The following TAF1B variants were observed in gnomAD, a reference collection of about 807,000 sequenced individuals.
TAF1B encodes the protein TATA-box binding protein associated factor, RNA polymerase I subunit B.
Under a neutral mutation model 83.9 loss-of-function variants are expected in TAF1B, and 61 were observed. The observed-to-expected ratio is 0.73, with a 90% CI of 0.59 to 0.90. The LOEUF (loss-of-function observed/expected upper bound fraction) is 0.90, where lower values mean the gene tolerates loss of function less well. TAF1B is among the 40% of genes least tolerant of loss of function. The pLI is 0.00. For missense variants in TAF1B, 625 were observed against 677.0 expected (o/e 0.92, Z 0.85); for synonymous variants, 221 against 224.6 (o/e 0.98, Z 0.14).
intron 12 of TAF1B, among the ~76,000 whole-genome samples, chr2:9,915,616 AC>A (rs1665659359): frequency 6.6e-6 from 1 of 152,218 alleles, no homozygotes; most frequent in Admixed American, 6.5e-5. Flanking sequence ...TCAAAACAAA[AC>A]AAAAACAAAA....
In TAF1B at chr2:9,919,085, A is replaced by G. The variant is rs1163845932; in HGVS notation, c.1316A>G (p.Asp439Gly). Residue 439 changes from aspartate (D) to glycine (G), a missense_variant, in exon 13 of 15, where the codon GAC (aspartate) becomes GGC (glycine). Physicochemically the swap from Asp to Gly is moderately conservative, Grantham distance 94. Coordinates refer to ENST00000263663, the MANE Select transcript of TAF1B (RefSeq NM_005680.3). ...SEKPLYYSFV[D>G]KPVAYKKREM... ...AAGCCACTCTACTACTCATTTGTCGACAAACCAGTAGCATATAAAAAAAGA... is the reference window on the plus strand; with the variant it reads ...AAGCCACTCTACTACTCATTTGTCGGCAAACCAGTAGCATATAAAAAAAGA... 2 of 1,614,222 alleles carry G rather than the reference A, an allele frequency of 1.2e-6. No homozygotes were observed. The highest frequency in any genetic ancestry group is 1.7e-6 in the Non-Finnish European group (2 of 1,180,040).
At chr2:9,853,125 G>T (rs1043149042) in intron 4 of TAF1B, among the ~76,000 whole-genome samples, 2 of 152,184 alleles carry the variant, frequency 1.3e-5, no homozygotes, top group Non-Finnish European at 2.9e-5. Context: ...GTTTTATATA[G>T]TTACACTATA....
At chr2:9,927,144 G>A (rs551755749) in intron 14 of TAF1B, among the ~76,000 whole-genome samples, 1 of 151,212 alleles carries the variant, frequency 6.6e-6, no homozygotes, top group South Asian at 2.1e-4. Flanking sequence ...CCTTGTGATA[G>A]TTTGCTCAGA....
intron 5 of TAF1B, among the ~76,000 whole-genome samples, chr2:9,862,705 T>C (rs1157357124): frequency 6.6e-6 from 1 of 152,144 alleles, no homozygotes; most frequent in Non-Finnish European, 1.5e-5. Flanking sequence ...AAAGGTCGGG[T>C]TACCCACAAA....
intron 14 of TAF1B, among the ~76,000 whole-genome samples, chr2:9,921,164 T>C (rs1665867116): frequency 6.6e-6 from 1 of 152,322 alleles, no homozygotes; most frequent in South Asian, 2.1e-4. Context: ...CGATAATGGC[T>C]CACTGCAGCC....
At chr2:9,932,302 G>A (rs1431586177) in intron 14 of TAF1B, among the ~76,000 whole-genome samples, 1 of 152,200 alleles carries the variant, frequency 6.6e-6, no homozygotes, top group African/African-American at 2.4e-5. Flanking sequence ...CACCTTTGTG[G>A]TTTTATCTAC....
chr2:9,902,120 A>AAC (rs1267568158), intron 8 of TAF1B, among the ~76,000 whole-genome samples: 1 of 152,190 alleles, frequency 6.6e-6, no homozygotes, highest in African/African-American at 2.4e-5. Context: ...TAAATTCTAA[A>AAC]AATTAACAGT....
intron 6 of TAF1B, among the ~76,000 whole-genome samples, chr2:9,872,141 C>T (rs746128535): frequency 3.3e-5 from 5 of 151,940 alleles, no homozygotes; most frequent in Admixed American, 1.3e-4. Flanking sequence ...TCCTGGCCAA[C>T]GTAGTGAAAC....
chr2:9,927,215 G>C (rs1313157712), intron 14 of TAF1B, among the ~76,000 whole-genome samples: 1 of 152,084 alleles, frequency 6.6e-6, no homozygotes, highest in African/African-American at 2.4e-5. Flanking sequence ...CTTTTTTATA[G>C]CTGCATAGTA....
intron 2 of TAF1B, among the ~76,000 whole-genome samples, chr2:9,848,449 C>T (rs1192497720): frequency 6.6e-6 from 1 of 152,060 alleles, no homozygotes; most frequent in Non-Finnish European, 1.5e-5. Flanking sequence ...GGCAGATCAC[C>T]TGAGGTTGGG....
At position 9,934,090 on chromosome 2, in the gene TAF1B, A is replaced by G; in HGVS notation, c.*106A>G. On this transcript the variant is annotated 3_prime_UTR_variant, in exon 15 of 15. Coordinates refer to ENST00000263663, the MANE Select transcript of TAF1B (RefSeq NM_005680.3). ...TGTGGAAAATACTGCATATATATGT[A>G]TAGACTCTGACACATATTTACATAT... 2.3e-6 allele frequency: 2 copies of G among 880,906 alleles called. No individual in the cohort carries two copies. Among genetic ancestry groups the G allele is most frequent in the Non-Finnish European group, 3.4e-6 (2 of 584,718 alleles). The allele number at this position is 880,906 out of a possible 1,614,324, so 54.6% of individuals were successfully genotyped here.
At chr2:9,904,127 A>G (rs1476560121) in intron 8 of TAF1B, among the ~76,000 whole-genome samples, 1 of 151,824 alleles carries the variant, frequency 6.6e-6, no homozygotes, top group Non-Finnish European at 1.5e-5. Context: ...TTTCTTTCCA[A>G]CTTTGATTTT....
intron 5 of TAF1B, among the ~76,000 whole-genome samples, chr2:9,866,272 A>G (rs1663972618): frequency 6.6e-6 from 1 of 152,208 alleles, no homozygotes; most frequent in Non-Finnish European, 1.5e-5. Flanking sequence ...AAATGTGGGC[A>G]AAGGGTATGA....
At chr2:9,888,108 T>TCAACA (rs1664735792) in intron 8 of TAF1B, among the ~76,000 whole-genome samples, 1 of 152,226 alleles carries the variant, frequency 6.6e-6, no homozygotes, top group Non-Finnish European at 1.5e-5. Flanking sequence ...TTATCTCCAC[T>TCAACA]GTTGATTTAT....
rs375996461 is a variant in TAF1B at position 9,875,932 on chromosome 2, G to A, written c.621G>A (p.Val207=). 1.9e-6 allele frequency: 3 copies of A among 1,613,602 alleles called. No homozygotes were observed. Among genetic ancestry groups the A allele is most frequent in the African/African-American group, 2.7e-5 (2 of 74,934 alleles). Reference sequence around the variant, plus strand: ...CACAACGAAAGGAGAAGGGAATCGTGAAGATGACCATGCCACAGACACTTG... The same window carrying A: ...CACAACGAAAGGAGAAGGGAATCGTAAAGATGACCATGCCACAGACACTTG... ...EYSQRKEKGI[V]KMTMPQTLAF... Residue 207 remains valine (V), a synonymous_variant, in exon 7 of 15, where the codon GTG becomes GTA. Transcript: ENST00000263663.
chr2:9,859,873 ATTAG>A (rs1250679922), intron 5 of TAF1B, among the ~76,000 whole-genome samples: 2 of 152,086 alleles, frequency 1.3e-5, no homozygotes, highest in Admixed American at 1.3e-4. Flanking sequence ...AATTTCCTGT[ATTAG>A]TTTGTTTCCA....
At chr2:9,849,323 AG>A in intron 2 of TAF1B, 49 bp from the exon 3 acceptor site, 1 of 1,378,780 alleles carries the variant, frequency 7.3e-7, no homozygotes, top group Non-Finnish European at 9.9e-7. Flanking sequence ...AAAAATGCTT[AG>A]GGGGATGTAA....
intron 3 of TAF1B, among the ~76,000 whole-genome samples, chr2:9,850,859 A>G (rs559161182): frequency 5.1e-4 from 78 of 152,286 alleles, no homozygotes; most frequent in Non-Finnish European, 1.0e-3. Context: ...TAACCCACGT[A>G]AGATACCTGG....
intron 5 of TAF1B, among the ~76,000 whole-genome samples, chr2:9,866,834 G>C (rs1304227470): frequency 6.6e-6 from 1 of 151,944 alleles, no homozygotes; most frequent in African/African-American, 2.4e-5. Context: ...ACTATCACAA[G>C]GACAAAAAAC....
Sources: allele counts gnomAD v4.1 joint callset (sites outside exome capture counted in the v4.1 genomes callset), GRCh38; gene constraint gnomAD v4.1.1; transcripts MANE v1.5; gene names NCBI Gene and HGNC (gene_info 2026-07-23, HGNC 2026-07-21).